RIF1: variants seen among roughly 807,000 people sequenced by gnomAD.
RIF1 encodes the protein telomere-associated protein RIF1.
RIF1 carries 45 observed loss-of-function variants against 247.1 expected under a neutral mutation model. That is an observed-to-expected ratio of 0.18 (90% CI 0.14 to 0.23). The LOEUF is 0.23. RIF1 is among the 10% of genes least tolerant of loss of function. The pLI, the probability that RIF1 is intolerant of heterozygous loss-of-function variation, is 1.00. For synonymous variants in RIF1, 1,087 were observed against 978.8 expected (o/e 1.11, Z -2.06); for missense variants, 2,967 against 2,862.5 (o/e 1.04, Z -0.83).
At chr2:151,469,208 C>A (rs1030535415) in intron 33 of RIF1, among the ~76,000 whole-genome samples, 3 of 152,114 alleles carry the variant, frequency 2.0e-5, no homozygotes, top group African/African-American at 7.2e-5. Context: ...GTCTTGGAAA[C>A]TTAAATGCGT....
chr2:151,489,022 G>A (rs2053749156), intron 9 of RIF1, among the ~76,000 whole-genome samples: 1 of 152,066 alleles, frequency 6.6e-6, no homozygotes, highest in Non-Finnish European at 1.5e-5. Context: ...TATCCTTGCA[G>A]CTTTTTCAAA....
intron 11 of RIF1, 128 bp downstream of exon 11, chr2:151,435,708 C>G (rs150479692): frequency 1.9e-5 from 11 of 575,318 alleles, no homozygotes; most frequent in African/African-American, 5.6e-5. Context: ...TGAAATGAAG[C>G]ACTTCATAAT....
At chr2:151,411,444 G>A (rs1573822461) in intron 3 of RIF1, 106 bp downstream of exon 3, 1 of 685,280 alleles carries the variant, frequency 1.5e-6, no homozygotes, top group Non-Finnish European at 2.5e-6. Flanking sequence ...TTGCCCAGGC[G>A]AGAGTGCAAT....
the RIF1 span, among the ~76,000 whole-genome samples, chr2:151,532,874 G>A: frequency 6.6e-6 from 1 of 151,922 alleles, no homozygotes; most frequent in African/African-American, 2.4e-5. Flanking sequence ...TGCTTCAGTT[G>A]GCCTTCTAAA....
chr2:151,519,026 G>C, the RIF1 span: 1 of 1,613,734 alleles, frequency 6.2e-7, no homozygotes, highest in South Asian at 1.1e-5. Context: ...CTTCATGTCA[G>C]TCACGGGTTT....
chr2:151,526,238 T>G, the RIF1 span: 32 of 1,612,752 alleles, frequency 2.0e-5, no homozygotes, highest in Middle Eastern at 3.3e-4. Flanking sequence ...CCTCTTTCCT[T>G]GACATGTTTC....
At chr2:151,530,344 C>T in the RIF1 span, among the ~76,000 whole-genome samples, 1 of 152,122 alleles carries the variant, frequency 6.6e-6, no homozygotes, top group Admixed American at 6.5e-5. Flanking sequence ...CCTGGGACTT[C>T]CAGCTTCACC....
In RIF1 at chr2:151,464,026, T is replaced by C; in HGVS notation, c.4506T>C (p.Asn1502=). The C allele has an allele frequency of 1.2e-6, 2 of 1,607,494 alleles. No homozygotes were observed. Among genetic ancestry groups the C allele is most frequent in the East Asian group, 2.2e-5 (1 of 44,834 alleles). The change falls in exon 30 of 36, where the codon AAT becomes AAC. Residue 1502 remains asparagine, a synonymous_variant. Transcript: ENST00000444746. ...GTGCTAATGCAGAAACTGAACAAAA[T>C]AAAAAAAAGGCAGACCCTGAGAACA... The part of the protein sequence containing the change: ...ETSANAETEQ[N]KKKADPENIK...
chr2:151,492,563 A>C (rs763649616), intron 9 of RIF1: 532 of 1,143,782 alleles, frequency 4.7e-4, no homozygotes, highest in Non-Finnish European at 6.6e-4. Context: ...TTTCCAGCAG[A>C]TAGAGATGGA....
chr2:151,533,965 G>A, the RIF1 span, among the ~76,000 whole-genome samples: 1 of 152,206 alleles, frequency 6.6e-6, no homozygotes, highest in Non-Finnish European at 1.5e-5. Flanking sequence ...AGGTTCTCCA[G>A]AAGAGTAAAG....
At chr2:151,411,421 A>G in intron 3 of RIF1, 83 bp downstream of exon 3, 1 of 894,170 alleles carries the variant, frequency 1.1e-6, no homozygotes, top group Non-Finnish European at 1.8e-6. Flanking sequence ...TTTGAGGTGT[A>G]GTTTTGCTCT....
rs1341410695 is a variant in RIF1, at chr2:151,477,808, C to T, written c.*2737C>T. The stretch of plus-strand genomic sequence containing the variant: ...CACTGCAACCTCCACCTCCTGGGTT[C>T]AAGCGATTCTCCTGCCTCAGCCTCC... On this transcript the variant is annotated 3_prime_UTR_variant, in exon 36 of 36. Coordinates refer to ENST00000444746, the MANE Select transcript of RIF1 (RefSeq NM_018151.5). 6.7e-6 allele frequency: 1 copy of T among 149,552 alleles called. No individual in the cohort carries two copies. The highest frequency in any genetic ancestry group is 2.0e-4 in the East Asian group (1 of 5,050). 9.3% of individuals were successfully genotyped at this position (149,552 alleles called of 1,614,324 possible). A position where few individuals can be genotyped will look rare whatever the true frequency, so the allele number is the denominator to read the frequency against.
the RIF1 span, chr2:151,524,727 T>C: frequency 4.7e-6 from 4 of 842,562 alleles, no homozygotes; most frequent in South Asian, 5.1e-5. Flanking sequence ...AGTGCAGTGG[T>C]ACAATCTCAG....
chr2:151,460,131 A>AGCTGGTTTCAT lies in RIF1; in HGVS notation c.3075+12_3075+13insGCTGGTTTCAT, dbSNP rs1474479387. ...AACCAGCAGCCAAAGTATGTTTTCA[A>AGCTGGTTTCAT]AAGTTTAATCAAAAATTTTAAGATA... On this transcript the variant is annotated intron_variant, in intron 26 of 35. Coordinates refer to ENST00000444746, the MANE Select transcript of RIF1 (RefSeq NM_018151.5). 2 of 1,519,238 alleles carry AGCTGGTTTCAT rather than the reference A, an allele frequency of 1.3e-6. No individual in the cohort carries two copies. Among genetic ancestry groups the AGCTGGTTTCAT allele is most frequent in the Non-Finnish European group, 1.8e-6 (2 of 1,123,204 alleles). The allele number at this position is 1,519,238 out of a possible 1,614,324, so 94.1% of individuals were successfully genotyped here.
At chr2:151,501,618 T>C in intron 11 of RIF1, 1 of 477,068 alleles carries the variant, frequency 2.1e-6, no homozygotes, top group Non-Finnish European at 3.8e-6. Flanking sequence ...CTTTTAAAAA[T>C]AGAGTTAACT....
chr2:151,415,563 CAAAAAAAAAAAAA>C (rs3040729), intron 4 of RIF1, among the ~76,000 whole-genome samples: 1 of 44,872 alleles, frequency 2.2e-5, no homozygotes, highest in African/African-American at 1.0e-4. Context: ...GACTCTGTCT[CAAAAAAAAAAAAA>C]AAAAAAAAAG....
intron 9 of RIF1, among the ~76,000 whole-genome samples, chr2:151,431,316 T>C (rs971517044): frequency 3.3e-5 from 5 of 152,192 alleles, no homozygotes; most frequent in Admixed American, 2.0e-4. Context: ...AAGAATCTTA[T>C]ATACACATCC....
the RIF1 span, chr2:151,529,363 C>T: frequency 1.7e-6 from 2 of 1,175,046 alleles, no homozygotes; most frequent in South Asian, 1.2e-5. Context: ...TAGCAGCATA[C>T]TGAGCATCTT....
chr2:151,425,029 T>C (rs1467633150), intron 8 of RIF1, among the ~76,000 whole-genome samples: 1 of 151,870 alleles, frequency 6.6e-6, no homozygotes, highest in South Asian at 2.1e-4. Flanking sequence ...CCACCAGTAA[T>C]GCACTGGGGT....
Sources: allele counts gnomAD v4.1 joint callset (sites outside exome capture counted in the v4.1 genomes callset), GRCh38; gene constraint gnomAD v4.1.1; transcripts MANE v1.5; gene names NCBI Gene and HGNC (gene_info 2026-07-23, HGNC 2026-07-21).